SKAP1: variants seen among roughly 807,000 people sequenced by gnomAD.
SKAP1 encodes the protein src kinase associated phosphoprotein 1.
SKAP1 carries 44 observed loss-of-function variants against 58.5 expected under a neutral mutation model. The ratio of observed to expected loss-of-function variants is 0.75; its 90% confidence interval spans 0.59 to 0.97. The LOEUF is 0.97. Among genes scored for constraint, SKAP1 ranks in the 50% least tolerant of loss-of-function variants. The pLI is 0.00. For synonymous variants in SKAP1, 127 were observed against 149.7 expected (o/e 0.85, Z 1.11); for missense variants, 390 against 435.2 (o/e 0.90, Z 0.92).
intron 11 of SKAP1, among the ~76,000 whole-genome samples, chr17:48,150,705 G>A (rs991257779): frequency 6.6e-6 from 1 of 152,148 alleles, no homozygotes; most frequent in Non-Finnish European, 1.5e-5. Flanking sequence ...GATGCTATGC[G>A]CTTATGAAAA....
intron 4 of SKAP1, among the ~76,000 whole-genome samples, chr17:48,280,529 A>C (rs887026831): frequency 2.0e-5 from 3 of 152,174 alleles, no homozygotes; most frequent in Non-Finnish European, 4.4e-5. Context: ...CACACAAAAA[A>C]CACAATTCTT....
intron 4 of SKAP1, among the ~76,000 whole-genome samples, chr17:48,259,757 A>G (rs1169085950): frequency 6.6e-6 from 1 of 152,144 alleles, no homozygotes; most frequent in Non-Finnish European, 1.5e-5. Flanking sequence ...CACAAAACCC[A>G]TGCCTTTAAA....
intron 4 of SKAP1, among the ~76,000 whole-genome samples, chr17:48,196,322 G>A (rs1208188707): frequency 1.3e-5 from 2 of 151,928 alleles, no homozygotes; most frequent in East Asian, 3.9e-4. Flanking sequence ...TCTAACTCCT[G>A]GTGTCAAAAA....
At chr17:48,226,853 C>A (rs1464639317) in intron 4 of SKAP1, among the ~76,000 whole-genome samples, 1 of 152,140 alleles carries the variant, frequency 6.6e-6, no homozygotes, top group Non-Finnish European at 1.5e-5. Context: ...TGAGCTCGCA[C>A]CCTCCACCAA....
At chr17:48,249,050 CA>C (rs35815745) in intron 4 of SKAP1, 1 of 151,498 alleles carries the variant, frequency 6.6e-6, no homozygotes, top group Non-Finnish European at 1.5e-5. Context: ...AACAAAAAAA[CA>C]AAAAAAACCC....
At chr17:48,243,675 A>C (rs1417081761) in intron 4 of SKAP1, among the ~76,000 whole-genome samples, 1 of 152,216 alleles carries the variant, frequency 6.6e-6, no homozygotes, top group Non-Finnish European at 1.5e-5. Flanking sequence ...AAAACCGAGG[A>C]ATAAGTACTT....
intron 1 of SKAP1, among the ~76,000 whole-genome samples, chr17:48,403,463 G>A (rs757283909): frequency 8.6e-5 from 13 of 151,746 alleles, no homozygotes; most frequent in Non-Finnish European, 1.6e-4. Context: ...GTGTGTGTGT[G>A]TATAAATAAC....
chr17:48,305,686 T>C (rs991681197), intron 4 of SKAP1, among the ~76,000 whole-genome samples: 8 of 152,188 alleles, frequency 5.3e-5, no homozygotes, highest in African/African-American at 1.4e-4. Flanking sequence ...TGAAAGTGTT[T>C]AGAACACTAG....
At chr17:48,326,350 G>C (rs2066436881) in intron 4 of SKAP1, among the ~76,000 whole-genome samples, 1 of 152,144 alleles carries the variant, frequency 6.6e-6, no homozygotes, top group Non-Finnish European at 1.5e-5. Flanking sequence ...TTGTTTCAAA[G>C]CTACAGAAAT....
At chr17:48,385,718 A>T (rs1202778125) in intron 2 of SKAP1, among the ~76,000 whole-genome samples, 2 of 152,206 alleles carry the variant, frequency 1.3e-5, no homozygotes, top group African/African-American at 2.4e-5. Context: ...GATTCTATTT[A>T]AAAAGGCTGC....
chr17:48,397,738 C>T (rs1446952076), intron 1 of SKAP1, among the ~76,000 whole-genome samples: 3 of 151,932 alleles, frequency 2.0e-5, no homozygotes, highest in Non-Finnish European at 4.4e-5. Flanking sequence ...GTGAAGGAAC[C>T]CACATGAGAA....
intron 4 of SKAP1, among the ~76,000 whole-genome samples, chr17:48,261,698 G>A (rs921668334): frequency 3.3e-5 from 5 of 152,128 alleles, no homozygotes; most frequent in African/African-American, 7.2e-5. Context: ...AAACTTCCTA[G>A]GCTAATTAAT....
At chr17:48,329,915 G>A (rs142584534) in intron 4 of SKAP1, among the ~76,000 whole-genome samples, 310 of 152,272 alleles carry the variant, frequency 2.0e-3, no homozygotes, top group African/African-American at 7.1e-3. Context: ...TACCTACAAT[G>A]CACAGTAGTA....
At chr17:48,351,826 T>C (rs2066805728) in intron 3 of SKAP1, among the ~76,000 whole-genome samples, 2 of 152,148 alleles carry the variant, frequency 1.3e-5, no homozygotes, top group African/African-American at 4.8e-5. Context: ...ATAATCACTA[T>C]AACAACACCT....
chr17:48,264,913 G>A (rs17621199), intron 4 of SKAP1, among the ~76,000 whole-genome samples: 31,858 of 151,942 alleles, frequency 0.21, 3,356 homozygotes, highest in Admixed American at 0.22. Flanking sequence ...TTGACTTTCC[G>A]AAGCTGGCAT....
chr17:48,234,197 A>G (rs771261050), intron 4 of SKAP1, among the ~76,000 whole-genome samples: 1 of 152,246 alleles, frequency 6.6e-6, no homozygotes, highest in African/African-American at 2.4e-5. Flanking sequence ...GCTGTCTCCA[A>G]TGATAGCTCC....
intron 2 of SKAP1, among the ~76,000 whole-genome samples, chr17:48,370,299 G>T (rs565540893): frequency 1.6e-4 from 25 of 151,976 alleles, no homozygotes; most frequent in African/African-American, 5.1e-4. Flanking sequence ...AATCAGAATG[G>T]CTATCATTAT....
chr17:48,444,532 T>C, the SKAP1 span, among the ~76,000 whole-genome samples: 1 of 152,226 alleles, frequency 6.6e-6, no homozygotes, highest in Non-Finnish European at 1.5e-5. Context: ...ATTAGGTGCA[T>C]GCATTCATAA....
intron 4 of SKAP1, among the ~76,000 whole-genome samples, chr17:48,321,657 C>T (rs1291196837): frequency 3.3e-5 from 5 of 152,036 alleles, no homozygotes; most frequent in African/African-American, 9.7e-5. Flanking sequence ...GGATTACAGG[C>T]GTGAGCCACC....
Sources: gnomAD v4.1 joint callset for allele counts (sites outside exome capture counted in the v4.1 genomes callset) on GRCh38, gnomAD v4.1.1 for gene constraint, MANE v1.5 for transcripts, NCBI Gene and HGNC (gene_info 2026-07-23, HGNC 2026-07-21) for gene names.